The following LONRF1 variants were observed in gnomAD, a reference collection of about 807,000 sequenced individuals.
LONRF1 encodes the protein LON peptidase N-terminal domain and ring finger 1, also known as LON peptidase N-terminal domain and RING finger protein 1.
A neutral mutation model predicts 85.8 loss-of-function variants in LONRF1; 37 were observed. That is an observed-to-expected ratio of 0.43 (90% confidence interval 0.33 to 0.57). The LOEUF (loss-of-function observed/expected upper bound fraction) is 0.57. LONRF1 is among the 20% of genes least tolerant of loss of function. The pLI is 0.04. For missense variants in LONRF1, 1,036 were observed against 978.0 expected, an observed-to-expected ratio of 1.06 and a Z score of -0.79; for synonymous variants, 517 against 390.1, an observed-to-expected ratio of 1.33 and a Z score of -3.83.
intron 11 of LONRF1, among the ~76,000 whole-genome samples, chr8:12,725,351 A>C (rs536710359): frequency 3.1e-4 from 47 of 152,232 alleles, no homozygotes; most frequent in African/African-American, 1.1e-3. Context: ...CTCTGCTGTC[A>C]AAGAATAACA....
At chr8:12,730,491 G>C (rs1798487125) in intron 8 of LONRF1, among the ~76,000 whole-genome samples, 1 of 151,996 alleles carries the variant, frequency 6.6e-6, no homozygotes. Context: ...TTAAGAAACA[G>C]CCCCATTAGT....
intron 1 of LONRF1, among the ~76,000 whole-genome samples, chr8:12,752,836 GGTTCA>G (rs1290245399): frequency 1.3e-5 from 2 of 152,166 alleles, no homozygotes; most frequent in African/African-American, 4.8e-5. Context: ...CTGTCCATAA[GGTTCA>G]GCCTCAGTGA....
intron 7 of LONRF1, among the ~76,000 whole-genome samples, chr8:12,734,014 T>C (rs965241536): frequency 6.6e-6 from 1 of 152,110 alleles, no homozygotes; most frequent in Non-Finnish European, 1.5e-5. Flanking sequence ...ATCAAAGCAA[T>C]AGATCTAATA....
In LONRF1 at chr8:12,731,822, C is replaced by T; in HGVS notation, c.1602G>A (p.Leu534=). 1 of 1,612,882 alleles carries T rather than the reference C, an allele frequency of 6.2e-7. No homozygotes were observed. Among genetic ancestry groups the T allele is most frequent in the Non-Finnish European group, 8.5e-7 (1 of 1,179,054 alleles). Residue 534 remains leucine (L), a synonymous_variant, in exon 8 of 12, where the codon CTG becomes CTA. Transcript: ENST00000398246. ...LADRRYCVTQ[L]LEELIVKYLP... is the part of the protein sequence containing the mutation. The stretch of plus-strand genomic sequence containing the variant: ...GATACTTCACTATTAATTCTTCCAA[C>T]AGCTGTGTGACACAGTACCTCCTAT...
chr8:12,754,544 C>T (rs1479400332), intron 1 of LONRF1, among the ~76,000 whole-genome samples, 156 bp downstream of exon 1: 1 of 151,898 alleles, frequency 6.6e-6, no homozygotes, highest in African/African-American at 2.4e-5. Flanking sequence ...CGCCCCCTCC[C>T]ACACCCCCCA....
chr8:12,752,427 A>G (rs1385310996), intron 1 of LONRF1, among the ~76,000 whole-genome samples: 2 of 152,240 alleles, frequency 1.3e-5, no homozygotes, highest in Admixed American at 6.5e-5. Flanking sequence ...CAAAAGATTA[A>G]AAAACTTATC....
chr8:12,728,788 T>G, intron 10 of LONRF1, 113 bp downstream of exon 10: 1 of 1,174,408 alleles, frequency 8.5e-7, no homozygotes, highest in South Asian at 1.4e-5. Flanking sequence ...ATCACAGTGG[T>G]AAGGCTGTCT....
intron 7 of LONRF1, 85 bp downstream of exon 7, chr8:12,735,201 T>A: frequency 2.4e-6 from 2 of 824,162 alleles, no homozygotes; most frequent in Non-Finnish European, 4.0e-6. Flanking sequence ...CTGAACGTGA[T>A]CATCACTATT....
rs527605969 is a variant in LONRF1 at position 12,722,973 on chromosome 8, G to A, written c.*123C>T. ...GCAGAACCACATGATTCAGGAGGTC[G>A]AAGGAAAAAGAAAAGTTTCATTAAA... On this transcript the variant is annotated 3_prime_UTR_variant, in exon 12 of 12. Coordinates refer to ENST00000398246, the MANE Select transcript of LONRF1 (RefSeq NM_152271.5). The A allele has an allele frequency of 1.3e-5, 12 of 933,204 alleles. No homozygotes were observed. The highest frequency in any genetic ancestry group is 4.9e-5 in the African/African-American group (3 of 60,802). 57.8% of individuals were successfully genotyped at this position (933,204 alleles called of 1,614,324 possible).
In LONRF1 at chr8:12,751,054, G is replaced by A. The variant is rs373506926; in HGVS notation, c.721+3646C>T. The stretch of plus-strand genomic sequence containing the variant: ...GGAAACCAAAACACAGATAGGTTAG[G>A]CAACGTGCACAAGGTCGGAGAGAGG... On this transcript the variant is annotated intron_variant, in intron 1 of 11. Transcript: ENST00000398246. Among the ~76,000 whole-genome samples, 11 of 152,230 alleles carry A rather than the reference G, an allele frequency of 7.2e-5. No individual in the cohort carries two copies. In the East Asian group the frequency reaches 2.1e-3, roughly 29 times the overall value.
chr8:12,736,864 A>C, intron 5 of LONRF1, 36 bp downstream of exon 5: 1 of 1,572,234 alleles, frequency 6.4e-7, no homozygotes, highest in Non-Finnish European at 8.6e-7. Context: ...TGACTAAATA[A>C]ATTTATTTTA....
Position 12,741,954 on chromosome 8 carries a change from T to C in LONRF1, c.841-958A>G, listed in dbSNP as rs77876574. The stretch of plus-strand genomic sequence containing the variant: ...CAACAAAGTATCAACTGGTAAGCTT[T>C]AAATGTTCCTTGCTTATGTGATTAG... On this transcript the variant is annotated intron_variant, in intron 2 of 11. Coordinates refer to ENST00000398246, the MANE Select transcript of LONRF1 (RefSeq NM_152271.5). Among the ~76,000 whole-genome samples the C allele has an allele frequency of 1.7e-3, 259 of 152,316 alleles. 5 individuals carry two copies. The East Asian group carries it at 0.043, about 25-fold the overall frequency.
Position 12,730,828 on chromosome 8 carries a change from T to C in LONRF1, c.1688+908A>G, listed in dbSNP as rs920648703. Among the ~76,000 whole-genome samples the C allele has an allele frequency of 5.3e-5, 8 of 152,314 alleles. No homozygotes were observed. In the East Asian group the frequency reaches 1.4e-3, roughly 26 times the overall value. On this transcript the variant is annotated intron_variant, in intron 8 of 11. Transcript: ENST00000398246. ...TCACTGAAGACATCTGATGGGCACA[T>C]GTTGATAAAGGAGTCTACAAGCACA... is the stretch of plus-strand genomic sequence containing the variant.
intron 8 of LONRF1, among the ~76,000 whole-genome samples, chr8:12,731,141 C>G (rs1314532978): frequency 1.3e-5 from 2 of 152,166 alleles, no homozygotes; most frequent in African/African-American, 4.8e-5. Flanking sequence ...GCCTACCCAG[C>G]TCCATCAGCT....
In LONRF1 at chr8:12,754,705, C is replaced by A; in HGVS notation, c.716G>T (p.Arg239Leu). 1.5e-6 allele frequency: 2 copies of A among 1,375,520 alleles called. No homozygotes were observed. Among genetic ancestry groups the A allele is most frequent in the Non-Finnish European group, 1.9e-6 (2 of 1,074,514 alleles). 85.2% of individuals were successfully genotyped at this position (1,375,520 alleles called of 1,614,324 possible). Reference protein sequence around the residue: ...EALAAACEALRAEPSDLIVKI... With the variant: ...EALAAACEALLAEPSDLIVKI... ...CCGCATCCCCGCGCGGTCACCTGCTCGCAGCGCCTCGCAGGCGGCGGCCAG... is the reference window on the plus strand; with the variant it reads ...CCGCATCCCCGCGCGGTCACCTGCTAGCAGCGCCTCGCAGGCGGCGGCCAG... The change falls in exon 1 of 12, where the codon CGA becomes CTA. Residue 239 changes from arginine (R) to leucine (L), a missense_variant. Arg to Leu is a moderately radical substitution (Grantham distance 102, BLOSUM62 -2). This residue lies in a region of LONRF1 where 742 missense variants were observed against 614.4 expected (regional missense o/e 1.21). Coordinates refer to ENST00000398246, the MANE Select transcript of LONRF1 (RefSeq NM_152271.5).
chr8:12,748,060 C>T (rs566844111), intron 1 of LONRF1, among the ~76,000 whole-genome samples: 101 of 152,196 alleles, frequency 6.6e-4, no homozygotes, highest in Middle Eastern at 3.4e-3. Context: ...TATATACAAC[C>T]TATTTAAAAA....
intron 4 of LONRF1, 173 bp from the exon 5 acceptor site, chr8:12,737,313 C>A (rs778635072): frequency 1.2e-6 from 1 of 820,146 alleles, no homozygotes; most frequent in Admixed American, 2.0e-5. Flanking sequence ...TTTGCCAGCA[C>A]AGTTGGCCCT....
intron 4 of LONRF1, 72 bp downstream of exon 4, chr8:12,737,923 A>G: frequency 6.8e-7 from 1 of 1,477,456 alleles, no homozygotes; most frequent in Non-Finnish European, 9.0e-7. Context: ...ACTTGAAACT[A>G]GGAAAGTGAA....
intron 1 of LONRF1, among the ~76,000 whole-genome samples, chr8:12,748,169 C>G (rs539668190): frequency 2.0e-5 from 3 of 152,134 alleles, no homozygotes; most frequent in African/African-American, 7.2e-5. Context: ...TAGTTATTTG[C>G]TATACAGTAT....
Sources: allele counts gnomAD v4.1 joint callset (sites outside exome capture counted in the v4.1 genomes callset), GRCh38; gene constraint gnomAD v4.1.1; regional missense constraint gnomAD v4.1.1; transcripts MANE v1.5; gene names NCBI Gene and HGNC (gene_info 2026-07-23, HGNC 2026-07-21).